The following PARD3B variants were observed in gnomAD, a reference collection of about 807,000 sequenced individuals.
PARD3B encodes par-3 family cell polarity regulator beta.
PARD3B carries 103 observed loss-of-function variants against 130.2 expected under a neutral mutation model. The observed-to-expected ratio is 0.79, with a 90% CI of 0.67 to 0.93. The LOEUF is 0.93. Ranked by LOEUF, PARD3B falls within the 40% of genes least tolerant of loss-of-function variation. PARD3B has a pLI of 0.00. For missense variants in PARD3B, 1,609 were observed against 1,499.2 expected (o/e 1.07, Z -1.21); for synonymous variants, 583 against 553.2 (o/e 1.05, Z -0.76).
intron 22 of PARD3B, among the ~76,000 whole-genome samples, chr2:205,596,613 A>T (rs2054579674): frequency 6.6e-6 from 1 of 152,216 alleles, no homozygotes; most frequent in South Asian, 2.1e-4. Flanking sequence ...GAGAGAAGCC[A>T]AAAGCACTTC....
chr2:205,494,951 G>A (rs1248600746), intron 20 of PARD3B, among the ~76,000 whole-genome samples: 1 of 152,150 alleles, frequency 6.6e-6, no homozygotes, highest in African/African-American at 2.4e-5. Flanking sequence ...GTTGTCTTTA[G>A]GACATCATAG....
chr2:205,284,732 TC>T (rs1255538632), intron 16 of PARD3B, among the ~76,000 whole-genome samples: 2 of 152,234 alleles, frequency 1.3e-5, no homozygotes, highest in Admixed American at 1.3e-4. Context: ...TATTTTTTTT[TC>T]ATTACCATTT....
chr2:204,811,413 TG>T (rs774817380), intron 2 of PARD3B, among the ~76,000 whole-genome samples: 68 of 152,310 alleles, frequency 4.5e-4, no homozygotes, highest in Non-Finnish European at 6.9e-4. Context: ...ATGTTTGAAA[TG>T]TTTATTTCAT....
intron 15 of PARD3B, among the ~76,000 whole-genome samples, chr2:205,194,429 T>C (rs1009433819): frequency 2.6e-5 from 4 of 152,210 alleles, no homozygotes; most frequent in Non-Finnish European, 4.4e-5. Context: ...AGAAAGAGTA[T>C]TTTCTCAAGC....
At position 205,025,662 on chromosome 2, in the gene PARD3B, C is replaced by T. The variant is rs1040383334; in HGVS notation, c.395-21919C>T. On this transcript the variant is annotated intron_variant, in intron 3 of 22. Transcript: ENST00000406610. The stretch of plus-strand genomic sequence containing the variant: ...GTCATGTTATCTGTTTTTCTGTATA[C>T]GTGGAGCTGTATCGGTGGTCTGGGT... Among the ~76,000 whole-genome samples, 36 of 151,986 alleles carry T rather than the reference C, an allele frequency of 2.4e-4. No individual in the cohort carries two copies. The Middle Eastern group carries it at 0.01, about 43-fold the overall frequency.
intron 18 of PARD3B, among the ~76,000 whole-genome samples, chr2:205,383,133 T>TCG (rs2045536113): frequency 8.7e-6 from 1 of 115,456 alleles, no homozygotes; most frequent in African/African-American, 2.9e-5. Context: ...GATAGATAGA[T>TCG]AGATAGATCG....
chr2:204,880,427 C>T (rs1245018523), intron 2 of PARD3B, among the ~76,000 whole-genome samples: 4 of 151,812 alleles, frequency 2.6e-5, no homozygotes, highest in African/African-American at 7.3e-5. Context: ...TTTGGGAGGC[C>T]GAGGTGGGCG....
At chr2:205,415,697 C>T (rs887124260) in intron 19 of PARD3B, among the ~76,000 whole-genome samples, 3 of 152,108 alleles carry the variant, frequency 2.0e-5, no homozygotes, top group Non-Finnish European at 2.9e-5. Context: ...ACTGCTCTTG[C>T]TCACATAAGC....
At chr2:205,170,781 C>CTTT (rs141604922) in intron 11 of PARD3B, among the ~76,000 whole-genome samples, 2 of 143,672 alleles carry the variant, frequency 1.4e-5, no homozygotes, top group African/African-American at 2.5e-5. Flanking sequence ...TATCTCATTT[C>CTTT]TTTTTTTTTT....
intron 10 of PARD3B, among the ~76,000 whole-genome samples, chr2:205,141,387 T>C (rs772731864): frequency 6.6e-6 from 1 of 152,230 alleles, no homozygotes; most frequent in Non-Finnish European, 1.5e-5. Flanking sequence ...TTTAAACTTT[T>C]CAATCAATTG....
At chr2:205,098,595 G>A (rs1288948560) in intron 4 of PARD3B, among the ~76,000 whole-genome samples, 3 of 152,172 alleles carry the variant, frequency 2.0e-5, no homozygotes, top group African/African-American at 7.2e-5. Flanking sequence ...CTTTGGACAT[G>A]TATAACCTAG....
chr2:205,165,819 T>C (rs10202338), intron 11 of PARD3B, among the ~76,000 whole-genome samples: 55,898 of 151,864 alleles, frequency 0.37, 10,581 homozygotes, highest in Middle Eastern at 0.51. Flanking sequence ...CTTCATTGGT[T>C]TGTTACATAG....
intron 2 of PARD3B, among the ~76,000 whole-genome samples, chr2:204,876,872 T>C (rs773448868): frequency 7.9e-5 from 12 of 152,230 alleles, no homozygotes; most frequent in Non-Finnish European, 1.0e-4. Context: ...ATAACCATTT[T>C]ATTTAAACTG....
chr2:204,802,619 A>G (rs2042611944), intron 2 of PARD3B, among the ~76,000 whole-genome samples: 1 of 152,202 alleles, frequency 6.6e-6, no homozygotes, highest in African/African-American at 2.4e-5. Context: ...AGACTGGATA[A>G]AGAAAATGTG....
Position 204,623,828 on chromosome 2 carries a change from C to G in PARD3B, c.121-62353C>G, listed in dbSNP as rs374389199. On this transcript the variant is annotated intron_variant, in intron 1 of 22. Transcript: ENST00000406610. This position sits in a 1 kb window ranked among gnomAD's most constrained non-coding sequence, Gnocchi z 4.5. ...ACTGCTTATTTCTCCCTGTCCCCAA[C>G]TAACAGCCACCATTATACTCTGTGC... Among the ~76,000 whole-genome samples, 2 of 152,182 alleles carry G rather than the reference C, an allele frequency of 1.3e-5. No individual in the cohort carries two copies. The highest frequency in any genetic ancestry group is 4.8e-5 in the African/African-American group (2 of 41,464).
Position 205,109,005 on chromosome 2 carries a change from C to T in PARD3B, c.594-4486C>T, listed in dbSNP as rs145039970. On this transcript the variant is annotated intron_variant, in intron 5 of 22. Coordinates refer to ENST00000406610, the MANE Select transcript of PARD3B (RefSeq NM_001302769.2). ...GAGAATCTACTACTGTAACCCATCG[C>T]TTTCTGTTCTTTTTTATTACCTGTC... Among the ~76,000 whole-genome samples, 415 of 152,110 alleles carry T rather than the reference C, an allele frequency of 2.7e-3. 3 individuals are homozygous for T. Among genetic ancestry groups the T allele is most frequent in the African/African-American group, 9.6e-3 (399 of 41,488 alleles).
At chr2:205,324,397 A>G (rs998570836) in intron 18 of PARD3B, among the ~76,000 whole-genome samples, 9 of 152,174 alleles carry the variant, frequency 5.9e-5, no homozygotes, top group African/African-American at 2.2e-4. Flanking sequence ...ACTCATTTTT[A>G]TTAAAATAAA....
intron 18 of PARD3B, among the ~76,000 whole-genome samples, chr2:205,329,857 G>T (rs1266295168): frequency 1.3e-5 from 2 of 152,044 alleles, no homozygotes; most frequent in South Asian, 2.1e-4. Context: ...AGCCGGGCGT[G>T]TTGGCACATG....
rs1019575840 is a variant in PARD3B at position 205,321,340 on chromosome 2, T to C, written c.2630+19639T>C. 1.3e-5 allele frequency among the ~76,000 whole-genome samples: 2 copies of C among 152,196 alleles called. No homozygotes were observed. Among genetic ancestry groups the C allele is most frequent in the African/African-American group, 4.8e-5 (2 of 41,460 alleles). ...TAAAGTTTGTATTATGAAATAATTTTAGACTTACAGTAAAAGCTACAAAAA... is the reference window on the plus strand; with the variant it reads ...TAAAGTTTGTATTATGAAATAATTTCAGACTTACAGTAAAAGCTACAAAAA... On this transcript the variant is annotated intron_variant, in intron 18 of 22. Transcript: ENST00000406610. This position sits in a 1 kb window ranked among gnomAD's most constrained non-coding sequence, Gnocchi z 4.2.
Sources: allele counts gnomAD v4.1 joint callset (sites outside exome capture counted in the v4.1 genomes callset), GRCh38; gene constraint gnomAD v4.1.1; non-coding constraint Gnocchi (gnomAD v3.1); transcripts MANE v1.5; gene names NCBI Gene and HGNC (gene_info 2026-07-23, HGNC 2026-07-21).